GRM6: variants seen among roughly 807,000 people sequenced by gnomAD.
GRM6 encodes the protein metabotropic glutamate receptor 6.
In GRM6, 73 loss-of-function variants were observed where a neutral mutation model predicts 78.4. That is an observed-to-expected ratio of 0.93 (90% confidence interval 0.77 to 1.13). GRM6 has a LOEUF of 1.13. GRM6 is among the 50% of genes most tolerant of loss of function. The probability of loss-of-function intolerance (pLI) is 0.00; values close to 1 mark genes in which losing one functional copy is unlikely to be tolerated. For missense variants in GRM6, 1,251 were observed against 1,256.4 expected (o/e 1.00, Z 0.07); for synonymous variants, 580 against 555.0 (o/e 1.05, Z -0.63).
At chr5:178,987,012 G>T (rs761550689) in intron 7 of GRM6, 29 bp from the exon 8 acceptor site, 2 of 1,608,590 alleles carry the variant, frequency 1.2e-6, no homozygotes, top group Non-Finnish European at 8.5e-7. Context: ...ATCCTCGGTG[G>T]TCCTCCAGCC....
intron 9 of GRM6, 149 bp downstream of exon 9, chr5:178,985,981 C>G: frequency 1.4e-6 from 1 of 711,588 alleles, no homozygotes; most frequent in Non-Finnish European, 2.4e-6. Context: ...AGGCTGGTCT[C>G]GAACTCCTGG....
At chr5:178,983,531 C>A in intron 9 of GRM6, 1 of 568,234 alleles carries the variant, frequency 1.8e-6, no homozygotes, top group East Asian at 3.9e-5. Flanking sequence ...CCTCTTCCTG[C>A]ATTCTAGCCA....
Position 178,994,868 on chromosome 5 carries a change from A to G in GRM6, c.77T>C (p.Leu26Pro). The change falls in exon 2 of 11, where the codon CTG becomes CCG. Residue 26 changes from leucine to proline, a missense_variant. Physicochemically the swap from Leu to Pro is moderately conservative, Grantham distance 98. Transcript: ENST00000517717. ...GCGCACAGAGCCCGCCGCGCGCGCCAGGCCCGCCTGCGCCAGCCACGCCAG... is the reference window on the plus strand; with the variant it reads ...GCGCACAGAGCCCGCCGCGCGCGCCGGGCCCGCCTGCGCCAGCCACGCCAG... ...LPLAWLAQAG[L>P]ARAAGSVRLA... 1.7e-6 allele frequency: 2 copies of G among 1,205,604 alleles called. No homozygotes were observed. The highest frequency in any genetic ancestry group is 6.0e-5 in the South Asian group (2 of 33,334). The allele number at this position is 1,205,604 out of a possible 1,614,324, so 74.7% of individuals were successfully genotyped here.
rs975582802 is a variant in GRM6, at chr5:178,989,897, C to T, written c.1013-492G>A. 1.3e-5 allele frequency: 3 copies of T among 235,084 alleles called. No individual in the cohort carries two copies. The South Asian group carries it at 1.9e-4, about 15-fold the overall frequency. 14.6% of individuals were successfully genotyped at this position (235,084 alleles called of 1,614,324 possible). A position where few individuals can be genotyped will look rare whatever the true frequency, so the allele number is the denominator to read the frequency against. On this transcript the variant is annotated intron_variant, in intron 5 of 10. Coordinates refer to ENST00000517717, the MANE Select transcript of GRM6 (RefSeq NM_000843.4). Reference sequence around the variant, plus strand: ...CTTTGAGAGCGCATTCACTCACTGCCCCATGCCTAAAGTCACCAACTCTCA... The same window carrying T: ...CTTTGAGAGCGCATTCACTCACTGCTCCATGCCTAAAGTCACCAACTCTCA...
rs150434084 is a variant in GRM6, at chr5:178,986,484, G to C, written c.1770C>G (p.Leu590=). 1 of 1,610,918 alleles carries C rather than the reference G, an allele frequency of 6.2e-7. No individual in the cohort carries two copies. Among genetic ancestry groups the C allele is most frequent in the Non-Finnish European group, 8.5e-7 (1 of 1,179,120 alleles). Residue 590 remains leucine, a synonymous_variant, in exon 9 of 11, where the codon CTC becomes CTG. Transcript: ENST00000517717. ...SWSSPWAAPP[L]LLAVLGIVAT... is the part of the protein sequence containing the mutation. ...CCACGATGCCCAGCACGGCCAGGAGGAGCGGCGGGGCTGCCCAGGGGGAGG... is the reference window on the plus strand; with the variant it reads ...CCACGATGCCCAGCACGGCCAGGAGCAGCGGCGGGGCTGCCCAGGGGGAGG...
Position 178,986,372 on chromosome 5 carries a change from G to A in GRM6, c.1882C>T (p.Leu628Phe), listed in dbSNP as rs532506196. 1.2e-6 allele frequency: 2 copies of A among 1,614,098 alleles called. No individual in the cohort carries two copies. Among genetic ancestry groups the A allele is most frequent in the African/African-American group, 1.3e-5 (1 of 75,074 alleles). The change falls in exon 9 of 11, where the codon CTC becomes TTC. Residue 628 changes from leucine to phenylalanine, a missense_variant. Leu to Phe is a conservative substitution (Grantham distance 22, BLOSUM62 0). Coordinates refer to ENST00000517717, the MANE Select transcript of GRM6 (RefSeq NM_000843.4). ...ASGRELSYVL[L>F]TGIFLIYAIT... ...GCGTAGATGAGGAAGATGCCGGTGA[G>A]GAGGACGTAGCTGAGCTCTCGGCCC...
Position 178,991,327 on chromosome 5 carries a change from G to A in GRM6, c.857+97C>T. On this transcript the variant is annotated intron_variant, in intron 4 of 10. Transcript: ENST00000517717. The surrounding 1 kb of genome is among the most constrained non-coding windows in gnomAD (Gnocchi z 5.0). ...GGGGGGTGCGGGGAGCAGGGGAAAG[G>A]GAGGCAGGGAGAGTGTGTAAGGTGG... The A allele has an allele frequency of 8.4e-7, 1 of 1,189,384 alleles. No individual in the cohort carries two copies. Among genetic ancestry groups the A allele is most frequent in the Admixed American group, 1.7e-5 (1 of 59,496 alleles). 73.7% of individuals were successfully genotyped at this position (1,189,384 alleles called of 1,614,324 possible).
chr5:178,981,813 C>G lies in GRM6; in HGVS notation c.2478G>C (p.Leu826=), dbSNP rs1322331676. Residue 826 remains leucine (L), a synonymous_variant, in exon 11 of 11, where the codon CTG becomes CTC. Transcript: ENST00000517717. The surrounding 1 kb of genome is among the most constrained non-coding windows in gnomAD (Gnocchi z 5.1). ...GCATGCCGAGGGACACCGAGGCACTCAGGCTCAAGGACACGGTTAGCGTGG... is the reference window on the plus strand; with the variant it reads ...GCATGCCGAGGGACACCGAGGCACTGAGGCTCAAGGACACGGTTAGCGTGG... ...QTTTLTVSLS[L]SASVSLGMLY... The G allele has an allele frequency of 3.7e-6, 6 of 1,613,404 alleles. No homozygotes were observed. Among genetic ancestry groups the G allele is most frequent in the Non-Finnish European group, 5.1e-6 (6 of 1,179,318 alleles).
intron 2 of GRM6, among the ~76,000 whole-genome samples, chr5:178,993,513 G>C (rs1486773072): frequency 6.6e-6 from 1 of 152,134 alleles, no homozygotes; most frequent in African/African-American, 2.4e-5. Context: ...CGCACGCCTG[G>C]AACAAACACA....
chr5:178,985,489 G>A lies in GRM6; in HGVS notation c.2124+641C>T, dbSNP rs534415069. 5.3e-3 allele frequency: 1,826 copies of A among 343,380 alleles called. 8 individuals carry two copies. The highest frequency in any genetic ancestry group is 6.9e-3 in the Non-Finnish European group (1,205 of 175,596). The allele number at this position is 343,380 out of a possible 1,614,324, so 21.3% of individuals were successfully genotyped here. On this transcript the variant is annotated intron_variant, in intron 9 of 10. Coordinates refer to ENST00000517717, the MANE Select transcript of GRM6 (RefSeq NM_000843.4). ...GAGGCCGAGGTGGGCGGATCACGAG[G>A]TCAGGAGATCGAGACCATCCTGGCT... is the stretch of plus-strand genomic sequence containing the variant.
intron 7 of GRM6, among the ~76,000 whole-genome samples, chr5:178,987,830 G>A (rs111821147): frequency 1.8e-4 from 28 of 151,810 alleles, no homozygotes; most frequent in African/African-American, 6.8e-4. Flanking sequence ...CACAATCCCA[G>A]CTCACTGCAA....
chr5:178,993,555 A>G (rs910090669), intron 2 of GRM6, among the ~76,000 whole-genome samples: 1 of 152,276 alleles, frequency 6.6e-6, no homozygotes, highest in Non-Finnish European at 1.5e-5. Flanking sequence ...AGAAGCTCTC[A>G]GGAAACAGAA....
Position 178,991,236 on chromosome 5 carries a change from G to A in GRM6, c.857+188C>T, listed in dbSNP as rs1760664830. Among the ~76,000 whole-genome samples the A allele has an allele frequency of 6.6e-6, 1 of 152,048 alleles. No homozygotes were observed. The highest frequency in any genetic ancestry group is 2.1e-4 in the South Asian group (1 of 4,822). ...GTGCGCTATTCAGTCTGGGCTTGTG[G>A]CATCTCCCCAGACCAGGCTGCTTCT... On this transcript the variant is annotated intron_variant, in intron 4 of 10. Coordinates refer to ENST00000517717, the MANE Select transcript of GRM6 (RefSeq NM_000843.4). This position sits in a 1 kb window ranked among gnomAD's most constrained non-coding sequence, Gnocchi z 5.0.
At position 178,992,308 on chromosome 5, in the gene GRM6, T is replaced by A; in HGVS notation, c.505-225A>T. The A allele has an allele frequency of 3.0e-6, 2 of 662,128 alleles. No homozygotes were observed. The allele number at this position is 662,128 out of a possible 1,614,324, so 41.0% of individuals were successfully genotyped here. A position where few individuals can be genotyped will look rare whatever the true frequency, so the allele number is the denominator to read the frequency against. The stretch of plus-strand genomic sequence containing the variant: ...TTTGCGAGTGGGCCTGAGAATTCCG[T>A]GAATGCTGTGCAGGTGGGAGGTATG... On this transcript the variant is annotated intron_variant, in intron 2 of 10. Transcript: ENST00000517717. This position sits in a 1 kb window ranked among gnomAD's most constrained non-coding sequence, Gnocchi z 4.9.
In GRM6 at chr5:178,988,502, C is replaced by T. The variant is rs900906427; in HGVS notation, c.1354+433G>A. On this transcript the variant is annotated intron_variant, in intron 7 of 10. Transcript: ENST00000517717. This position sits in a 1 kb window ranked among gnomAD's most constrained non-coding sequence, Gnocchi z 6.0. ...CCTGACCACACACCAAGCCTGGTGCCAAGGGACAGGTCAGACCCACGCCTG... is the reference window on the plus strand; with the variant it reads ...CCTGACCACACACCAAGCCTGGTGCTAAGGGACAGGTCAGACCCACGCCTG... Among the ~76,000 whole-genome samples the T allele has an allele frequency of 6.6e-6, 1 of 152,180 alleles. No individual in the cohort carries two copies. Among genetic ancestry groups the T allele is most frequent in the Non-Finnish European group, 1.5e-5 (1 of 68,026 alleles).
rs1180929099 is a variant in GRM6, at chr5:178,982,000, CAGGGGCCCCGCGCCTG to C, written c.2437-162_2437-147del. 1.3e-6 allele frequency: 1 copy of C among 741,740 alleles called. No individual in the cohort carries two copies. Among genetic ancestry groups the C allele is most frequent in the Non-Finnish European group, 2.4e-6 (1 of 410,562 alleles). The allele number at this position is 741,740 out of a possible 1,614,324, so 45.9% of individuals were successfully genotyped here. On this transcript the variant is annotated intron_variant, in intron 10 of 10. Transcript: ENST00000517717. This position sits in a 1 kb window ranked among gnomAD's most constrained non-coding sequence, Gnocchi z 5.1. ...ACTTAGACCAGGACAACAGTATGAG[CAGGGGCCCCGCGCCTG>C]AGGGGCTGGCAGCCTCCATGCAGCT...
Position 178,994,960 on chromosome 5 carries a change from G to C in GRM6, c.-16C>G. 3.4e-6 allele frequency: 4 copies of C among 1,162,016 alleles called. No homozygotes were observed. The highest frequency in any genetic ancestry group is 3.6e-4 in the Middle Eastern group (1 of 2,792). 72.0% of individuals were successfully genotyped at this position (1,162,016 alleles called of 1,614,324 possible). ...GCCGCGCCATCGGCTCGTCTAGCGGGCTGCGGGGAGACAGAGGGGCGGGGA... is the reference window on the plus strand; with the variant it reads ...GCCGCGCCATCGGCTCGTCTAGCGGCCTGCGGGGAGACAGAGGGGCGGGGA... On this transcript the variant is annotated splice_region_variant and 5_prime_UTR_variant, in exon 2 of 11. Transcript: ENST00000517717.
At position 178,990,693 on chromosome 5, in the gene GRM6, A is replaced by AC. The variant is rs1261016839; in HGVS notation, c.910dup (p.Val304GlyfsTer37). The AC allele has an allele frequency of 6.3e-7, 1 of 1,598,042 alleles. No individual in the cohort carries two copies. The highest frequency in any genetic ancestry group is 1.3e-5 in the African/African-American group (1 of 74,570). On this transcript the variant is annotated frameshift_variant, in exon 5 of 11. Coordinates refer to ENST00000517717, the MANE Select transcript of GRM6 (RefSeq NM_000843.4). LOFTEE classifies it high-confidence loss of function. Reference sequence around the variant, plus strand: ...CTTGGCTCCCCAGCTGTCTGAGCCGACCCACAGGAAGTGGCCGGTCAGGTT... The same window carrying AC: ...CTTGGCTCCCCAGCTGTCTGAGCCGACCCCACAGGAAGTGGCCGGTCAGGTT...
In GRM6 at chr5:178,979,075, GACCTCGTCTCT is replaced by G. The variant is rs1376743130; in HGVS notation, c.*2571_*2581del. The G allele has an allele frequency of 6.6e-6, 1 of 152,212 alleles. No individual in the cohort carries two copies. The highest frequency in any genetic ancestry group is 1.5e-5 in the Non-Finnish European group (1 of 68,132). 9.4% of individuals were successfully genotyped at this position (152,212 alleles called of 1,614,324 possible). A position where few individuals can be genotyped will look rare whatever the true frequency, so the allele number is the denominator to read the frequency against. On this transcript the variant is annotated 3_prime_UTR_variant, in exon 11 of 11. Transcript: ENST00000517717. ...GAGACCAGCCTGGGCAACATAGTGA[GACCTCGTCTCT>G]ACAAAAAATAAAACATTAGCTGGGT...
Sources: allele counts gnomAD v4.1 joint callset (sites outside exome capture counted in the v4.1 genomes callset), GRCh38; gene constraint gnomAD v4.1.1; non-coding constraint Gnocchi (gnomAD v3.1); transcripts MANE v1.5; gene names NCBI Gene and HGNC (gene_info 2026-07-23, HGNC 2026-07-21).